Variants in ESRRB observed in about 807,000 individuals in gnomAD.
ESRRB encodes the protein steroid hormone receptor ERR2.
ESRRB carries 16 observed loss-of-function variants against 46.0 expected under a neutral mutation model. The observed-to-expected ratio is 0.35, with a 90% CI of 0.24 to 0.53. The LOEUF (loss-of-function observed/expected upper bound fraction) is 0.53, where lower values mean the gene tolerates loss of function less well. Among genes scored for constraint, ESRRB ranks in the 20% least tolerant of loss-of-function variants. The probability of loss-of-function intolerance (pLI) is 0.93; values close to 1 mark genes in which losing one functional copy is unlikely to be tolerated. For synonymous variants in ESRRB, 246 were observed against 259.6 expected (o/e 0.95, Z 0.50); for missense variants, 488 against 607.4 (o/e 0.80, Z 2.07).
intron 1 of ESRRB, among the ~76,000 whole-genome samples, chr14:76,409,184 A>C (rs1327287184): frequency 6.6e-6 from 1 of 152,228 alleles, no homozygotes; most frequent in Non-Finnish European, 1.5e-5. Flanking sequence ...AAGTTACAAG[A>C]TTCACAGAAA....
At chr14:76,364,766 G>A (rs570254943) in intron 1 of ESRRB, among the ~76,000 whole-genome samples, 1 of 152,068 alleles carries the variant, frequency 6.6e-6, no homozygotes, top group Non-Finnish European at 1.5e-5. Flanking sequence ...ACCCAACTTG[G>A]GGGCAGGAAG....
rs2139933730 is a variant in ESRRB at position 76,439,544 on chromosome 14, G to T, written c.254G>T (p.Gly85Val). 1.9e-6 allele frequency: 3 copies of T among 1,613,836 alleles called. No homozygotes were observed. Among genetic ancestry groups the T allele is most frequent in the South Asian group, 1.1e-5 (1 of 91,088 alleles). Residue 85 changes from glycine (G) to valine (V), a missense_variant, in exon 2 of 7, where the codon GGC (glycine) becomes GTC (valine). Physicochemically the swap from Gly to Val is moderately radical, Grantham distance 109. Transcript: ENST00000644823. ...CTGGACTCGCCACCCATGTTTGCAG[G>T]CGCCGGGCTGGGAGGCACCCCATGC... Reference protein sequence around the residue: ...NGLDSPPMFAGAGLGGTPCRK... With the variant: ...NGLDSPPMFAVAGLGGTPCRK...
At chr14:76,420,109 T>A (rs1886877540) in intron 1 of ESRRB, among the ~76,000 whole-genome samples, 2 of 152,212 alleles carry the variant, frequency 1.3e-5, no homozygotes, top group Admixed American at 6.5e-5. Context: ...GTAATTTCAT[T>A]TTTAACCCTT....
chr14:76,337,684 T>A (rs567987172), intron 1 of ESRRB, among the ~76,000 whole-genome samples: 138 of 152,326 alleles, frequency 9.1e-4, no homozygotes, highest in African/African-American at 3.2e-3. Flanking sequence ...GTTCCCACAG[T>A]TGTCCTAGGA....
At chr14:76,468,438 C>T (rs1889220840) in intron 3 of ESRRB, among the ~76,000 whole-genome samples, 2 of 137,072 alleles carry the variant, frequency 1.5e-5, no homozygotes, top group Admixed American at 1.6e-4. Context: ...CACACACATA[C>T]CTGACAGCTC....
At chr14:76,330,600 G>A (rs572078834) in intron 1 of ESRRB, among the ~76,000 whole-genome samples, 1 of 152,312 alleles carries the variant, frequency 6.6e-6, no homozygotes, top group Admixed American at 6.5e-5. Context: ...TGTGCAAGTA[G>A]ACTAAGAATC....
chr14:76,423,564 G>A (rs143280966), intron 1 of ESRRB, among the ~76,000 whole-genome samples: 10 of 152,224 alleles, frequency 6.6e-5, no homozygotes, highest in Admixed American at 1.3e-4. Flanking sequence ...CTGCTCCTGG[G>A]GCGCTGGTGG....
chr14:76,475,623 T>C (rs2081490097), intron 3 of ESRRB, among the ~76,000 whole-genome samples: 1 of 152,244 alleles, frequency 6.6e-6, no homozygotes, highest in Admixed American at 6.5e-5. Flanking sequence ...GTGAACATTG[T>C]CCTACAGGCG....
chr14:76,334,828 G>T (rs183255833), intron 1 of ESRRB, among the ~76,000 whole-genome samples: 1 of 152,314 alleles, frequency 6.6e-6, no homozygotes, highest in East Asian at 1.9e-4. Flanking sequence ...ATCAGCTAGG[G>T]CTGGTAGAAA....
chr14:76,385,849 T>G (rs558282139), intron 1 of ESRRB, among the ~76,000 whole-genome samples: 5 of 152,360 alleles, frequency 3.3e-5, no homozygotes, highest in African/African-American at 1.2e-4. Context: ...GAAATTTACA[T>G]GCTTTTCCCA....
chr14:76,399,735 G>A (rs1396860881), intron 1 of ESRRB, among the ~76,000 whole-genome samples: 1 of 152,206 alleles, frequency 6.6e-6, no homozygotes, highest in African/African-American at 2.4e-5. Context: ...ACGAAAGCCA[G>A]CATCACTGGG....
chr14:76,474,816 CAAACAAAACAAAACAAAACA>C (rs138037395), intron 3 of ESRRB, among the ~76,000 whole-genome samples: 1 of 149,442 alleles, frequency 6.7e-6, no homozygotes, highest in East Asian at 2.0e-4. Context: ...GACCCTGTCT[CAAACAAAACAAAACAAAACA>C]AAACAAAACA....
chr14:76,491,714 C>A lies in ESRRB; in HGVS notation c.1118C>A (p.Ser373Tyr). 1 of 1,576,710 alleles carries A rather than the reference C, an allele frequency of 6.3e-7. No individual in the cohort carries two copies. The highest frequency in any genetic ancestry group is 1.9e-5 in the Admixed American group (1 of 52,774). ...CTCAAGGCCCTGGCCCTCGCCAACT[C>A]CGGTAAGGGCGGCGGCGGGGCCTGG... ...VTLKALALAN[S>Y]DSMYIEDLEA... The change falls in exon 6 of 7, where the codon TCC (serine) becomes TAC (tyrosine). Residue 373 changes from serine (S) to tyrosine (Y), a missense_variant and splice_region_variant. Physicochemically the swap from Ser to Tyr is moderately radical, Grantham distance 144 (BLOSUM62 -2). Coordinates refer to ENST00000644823, the MANE Select transcript of ESRRB (RefSeq NM_001379180.1).
intron 1 of ESRRB, among the ~76,000 whole-genome samples, chr14:76,424,714 G>A (rs1887123295): frequency 6.6e-6 from 1 of 152,110 alleles, no homozygotes; most frequent in African/African-American, 2.4e-5. Context: ...CTGGAGAGCT[G>A]TGCTCAGTTC....
upstream of ESRRB, among the ~76,000 whole-genome samples, chr14:76,369,207 G>A (rs1423393766): frequency 6.8e-6 from 1 of 147,822 alleles, no homozygotes; most frequent in Non-Finnish European, 1.5e-5. Flanking sequence ...AAAAAAAGCT[G>A]TCATCTTAAC....
Position 76,487,381 on chromosome 14 carries a change from C to T in ESRRB, c.851-4066C>T, listed in dbSNP as rs7146212. On this transcript the variant is annotated intron_variant, in intron 5 of 6. Coordinates refer to ENST00000644823, the MANE Select transcript of ESRRB (RefSeq NM_001379180.1). ...TAGGAAGCTGATCTCTGTGCTCATA[C>T]GATTACACCCTTTTTGCCCCCTTGG... 5.0e-3 allele frequency among the ~76,000 whole-genome samples: 756 copies of T among 152,274 alleles called. 1 individual carries two copies. The highest frequency in any genetic ancestry group is 9.1e-3 in the Non-Finnish European group (618 of 68,028).
At chr14:76,374,524 G>A (rs1050536060), upstream of ESRRB, among the ~76,000 whole-genome samples, 25 of 152,068 alleles carry the variant, frequency 1.6e-4, no homozygotes, top group African/African-American at 4.1e-4. Context: ...TGCAACAACG[G>A]GACATTGGAT....
intron 1 of ESRRB, among the ~76,000 whole-genome samples, chr14:76,424,456 G>T (rs963280426): frequency 2.0e-5 from 3 of 152,152 alleles, no homozygotes; most frequent in Non-Finnish European, 2.9e-5. Flanking sequence ...TGTAGAAAGG[G>T]CCATGGCCAT....
intron 6 of ESRRB, among the ~76,000 whole-genome samples, chr14:76,496,917 A>T (rs1055649108): frequency 6.6e-6 from 1 of 152,232 alleles, no homozygotes; most frequent in South Asian, 2.1e-4. Context: ...ATTCATAGCC[A>T]TTGATTTTGT....
Sources: gnomAD v4.1 joint callset for allele counts (sites outside exome capture counted in the v4.1 genomes callset) on GRCh38, gnomAD v4.1.1 for gene constraint, MANE v1.5 for transcripts, NCBI Gene and HGNC (gene_info 2026-07-23, HGNC 2026-07-21) for gene names.